The following CYB5R4 variants were observed in gnomAD, a reference collection of about 807,000 sequenced individuals.
CYB5R4 encodes cytochrome b5 reductase 4.
A neutral mutation model predicts 70.2 loss-of-function variants in CYB5R4; 55 were observed. That is an observed-to-expected ratio of 0.78 (90% CI 0.63 to 0.98). CYB5R4 has a LOEUF of 0.98. Among genes scored for constraint, CYB5R4 ranks in the 50% least tolerant of loss-of-function variants. CYB5R4 has a pLI of 0.00. For missense variants in CYB5R4, 562 were observed against 612.6 expected (o/e 0.92, Z 0.87); for synonymous variants, 197 against 199.5 (o/e 0.99, Z 0.11).
intron 10 of CYB5R4, among the ~76,000 whole-genome samples, chr6:83,930,801 C>G (rs2099468024): frequency 6.6e-6 from 1 of 151,720 alleles, no homozygotes; most frequent in South Asian, 2.1e-4. Flanking sequence ...AAAAAAGATT[C>G]CTTTCAAATT....
At chr6:83,888,158 A>C (rs921290303) in intron 2 of CYB5R4, among the ~76,000 whole-genome samples, 2 of 152,160 alleles carry the variant, frequency 1.3e-5, no homozygotes, top group Non-Finnish European at 2.9e-5. Flanking sequence ...GGAATAACTT[A>C]ATAAAATTGC....
intron 2 of CYB5R4, among the ~76,000 whole-genome samples, chr6:83,866,183 C>G (rs1224662192): frequency 1.3e-5 from 2 of 152,198 alleles, no homozygotes; most frequent in East Asian, 3.9e-4. Context: ...TTATGTGAAC[C>G]CTTCATATCC....
At chr6:83,869,830 A>G (rs912274394) in intron 2 of CYB5R4, among the ~76,000 whole-genome samples, 2 of 152,166 alleles carry the variant, frequency 1.3e-5, no homozygotes, top group African/African-American at 4.8e-5. Context: ...TCTCAAAAAA[A>G]AAAAAAGTGT....
At chr6:83,910,337 A>G in intron 4 of CYB5R4, 2 of 571,346 alleles carry the variant, frequency 3.5e-6, no homozygotes. Context: ...GATAGGGGAG[A>G]AGTAAGACGG....
intron 5 of CYB5R4, among the ~76,000 whole-genome samples, chr6:83,915,991 C>G (rs919729527): frequency 6.6e-6 from 1 of 152,088 alleles, no homozygotes; most frequent in Non-Finnish European, 1.5e-5. Flanking sequence ...TACACATTCA[C>G]CCCGTATTCT....
chr6:83,961,783 TC>T lies in CYB5R4; in HGVS notation c.*1906del, dbSNP rs1215333330. 1.3e-5 allele frequency: 2 copies of T among 152,026 alleles called. No homozygotes were observed. Among genetic ancestry groups the T allele is most frequent in the African/African-American group, 4.8e-5 (2 of 41,420 alleles). 9.4% of individuals were successfully genotyped at this position (152,026 alleles called of 1,614,324 possible). ...ACATCTTTCTCATCTTTTCTAAGCC[TC>T]TTCTTTTTTCTCTCTCCTTTCCCAA... On this transcript the variant is annotated 3_prime_UTR_variant, in exon 16 of 16. Coordinates refer to ENST00000369681, the MANE Select transcript of CYB5R4 (RefSeq NM_016230.4).
chr6:83,925,296 C>A (rs1344793893), intron 10 of CYB5R4, among the ~76,000 whole-genome samples: 1 of 152,014 alleles, frequency 6.6e-6, no homozygotes, highest in Non-Finnish European at 1.5e-5. Flanking sequence ...ACGAGAACAC[C>A]ACCAAGAGGG....
intron 11 of CYB5R4, among the ~76,000 whole-genome samples, chr6:83,935,996 C>G (rs893906387): frequency 1.3e-5 from 2 of 151,812 alleles, no homozygotes; most frequent in African/African-American, 4.8e-5. Context: ...ATCATAAAAA[C>G]AGATTGTTTA....
intron 14 of CYB5R4, among the ~76,000 whole-genome samples, chr6:83,953,479 A>G (rs189267290): frequency 6.6e-6 from 1 of 152,122 alleles, no homozygotes. Flanking sequence ...AAAAAAAACA[A>G]AAAACAAAAA....
intron 3 of CYB5R4, among the ~76,000 whole-genome samples, chr6:83,905,393 T>C (rs560327207): frequency 2.0e-4 from 31 of 152,322 alleles, no homozygotes; most frequent in African/African-American, 6.7e-4. Flanking sequence ...ATTTTTCCTG[T>C]AGATGTATCT....
intron 6 of CYB5R4, among the ~76,000 whole-genome samples, chr6:83,919,047 CAT>C (rs61763824): frequency 0.023 from 3,482 of 152,162 alleles, 124 homozygotes; most frequent in African/African-American, 0.078. Flanking sequence ...AGATAATAAA[CAT>C]GTGCATTTTT....
intron 2 of CYB5R4, among the ~76,000 whole-genome samples, chr6:83,876,258 T>C (rs1315095604): frequency 6.6e-6 from 1 of 152,232 alleles, no homozygotes; most frequent in South Asian, 2.1e-4. Context: ...TTGTAGACTT[T>C]GCACACTGTG....
chr6:83,945,539 A>G (rs2099470445), intron 14 of CYB5R4, among the ~76,000 whole-genome samples: 1 of 152,204 alleles, frequency 6.6e-6, no homozygotes, highest in African/African-American at 2.4e-5. Context: ...AACAAATTCA[A>G]AAGCTAGCAG....
At chr6:83,876,956 C>T (rs561506161) in intron 2 of CYB5R4, among the ~76,000 whole-genome samples, 1 of 152,210 alleles carries the variant, frequency 6.6e-6, no homozygotes, top group East Asian at 1.9e-4. Context: ...GCCTCAGCCT[C>T]CCCAGTCTGG....
intron 4 of CYB5R4, among the ~76,000 whole-genome samples, chr6:83,911,146 T>C (rs2099464618): frequency 6.6e-6 from 1 of 152,240 alleles, no homozygotes; most frequent in Non-Finnish European, 1.5e-5. Context: ...GGCTCATGCC[T>C]GTAATCTCAG....
chr6:83,882,793 C>T (rs953924853), intron 2 of CYB5R4, among the ~76,000 whole-genome samples: 5 of 152,144 alleles, frequency 3.3e-5, no homozygotes, highest in African/African-American at 1.2e-4. Context: ...CAAGACCATC[C>T]TGGCTAACAT....
intron 4 of CYB5R4, among the ~76,000 whole-genome samples, chr6:83,913,955 T>C (rs991567466): frequency 2.6e-5 from 4 of 152,166 alleles, no homozygotes; most frequent in Admixed American, 6.5e-5. Flanking sequence ...TTTAAACTTG[T>C]AATAACGATC....
chr6:83,951,390 C>A (rs1280025686), intron 14 of CYB5R4, among the ~76,000 whole-genome samples: 1 of 152,168 alleles, frequency 6.6e-6, no homozygotes, highest in African/African-American at 2.4e-5. Context: ...CACCCATCAA[C>A]CCATTATCTA....
intron 3 of CYB5R4, among the ~76,000 whole-genome samples, chr6:83,900,028 T>G (rs2099462627): frequency 6.6e-6 from 1 of 152,190 alleles, no homozygotes; most frequent in African/African-American, 2.4e-5. Flanking sequence ...GTGTTTGCTC[T>G]TGCTTCTCTA....
Sources: gnomAD v4.1 joint callset for allele counts (sites outside exome capture counted in the v4.1 genomes callset) on GRCh38, gnomAD v4.1.1 for gene constraint, MANE v1.5 for transcripts, NCBI Gene and HGNC (gene_info 2026-07-23, HGNC 2026-07-21) for gene names.